The following KPNA3 variants were observed in gnomAD, a reference collection of about 807,000 sequenced individuals.
KPNA3 encodes the protein karyopherin subunit alpha 3.
KPNA3 carries 13 observed loss-of-function variants against 73.8 expected under a neutral mutation model. The ratio of observed to expected loss-of-function variants is 0.18; its 90% CI spans 0.11 to 0.28. The LOEUF (loss-of-function observed/expected upper bound fraction) is 0.28. KPNA3 is among the 10% of genes least tolerant of loss of function. KPNA3 has a pLI of 1.00. For missense variants in KPNA3, 360 were observed against 618.1 expected (o/e 0.58, Z 4.43); for synonymous variants, 186 against 206.9 (o/e 0.90, Z 0.87).
chr13:49,769,878 C>T (rs1413064983), intron 1 of KPNA3, among the ~76,000 whole-genome samples: 1 of 152,164 alleles, frequency 6.6e-6, no homozygotes, highest in Non-Finnish European at 1.5e-5. Context: ...TATTAGAATT[C>T]CAATTTCTAC....
chr13:49,705,915 G>T, intron 14 of KPNA3, 132 bp from the exon 15 acceptor site: 2 of 988,556 alleles, frequency 2.0e-6, no homozygotes, highest in Non-Finnish European at 2.9e-6. Flanking sequence ...GTGCGTTATG[G>T]TCATGCCTGT....
chr13:49,746,585 G>C (rs527789945), intron 2 of KPNA3, among the ~76,000 whole-genome samples: 9 of 152,270 alleles, frequency 5.9e-5, no homozygotes, highest in Admixed American at 1.3e-4. Context: ...CTTTCAGTTG[G>C]GAAAACACAA....
intron 11 of KPNA3, among the ~76,000 whole-genome samples, chr13:49,710,289 G>A (rs764481587): frequency 6.6e-6 from 1 of 151,960 alleles, no homozygotes; most frequent in African/African-American, 2.4e-5. Context: ...TTTAATAAAC[G>A]CCTGGAATGG....
intron 2 of KPNA3, among the ~76,000 whole-genome samples, chr13:49,738,470 G>A (rs1446117023): frequency 6.6e-6 from 1 of 152,126 alleles, no homozygotes; most frequent in East Asian, 1.9e-4. Flanking sequence ...TTACGTTGAG[G>A]CTTCCAATCC....
intron 14 of KPNA3, 58 bp downstream of exon 14, chr13:49,706,021 CAGCAACTACGAAACATAAG>C: frequency 1.5e-6 from 2 of 1,295,348 alleles, no homozygotes; most frequent in Non-Finnish European, 2.2e-6. Flanking sequence ...ACAATACAGT[CAGCAACTACGAAACATAAG>C]AGAGCAGCAT....
intron 1 of KPNA3, among the ~76,000 whole-genome samples, chr13:49,788,767 T>C (rs1176169657): frequency 8.1e-6 from 1 of 123,894 alleles, no homozygotes; most frequent in African/African-American, 3.3e-5. Context: ...CCAGAACAAA[T>C]AAAAGGAAAT....
chr13:49,723,827 G>A (rs1457219652), intron 7 of KPNA3, among the ~76,000 whole-genome samples: 2 of 146,950 alleles, frequency 1.4e-5, no homozygotes, highest in Non-Finnish European at 3.0e-5. Flanking sequence ...CTGAGATCAC[G>A]CCACTGCACT....
intron 1 of KPNA3, among the ~76,000 whole-genome samples, chr13:49,766,658 C>G (rs942064011): frequency 6.6e-6 from 1 of 152,134 alleles, no homozygotes; most frequent in Non-Finnish European, 1.5e-5. Context: ...TCTAAAAAGT[C>G]TTTTCTAGTA....
intron 1 of KPNA3, among the ~76,000 whole-genome samples, chr13:49,767,492 T>C (rs558038597): frequency 1.3e-5 from 2 of 152,282 alleles, no homozygotes; most frequent in South Asian, 4.1e-4. Context: ...AATTATATTT[T>C]CATTATCTTG....
intron 2 of KPNA3, among the ~76,000 whole-genome samples, chr13:49,741,697 G>A (rs534610147): frequency 8.5e-4 from 129 of 152,182 alleles, no homozygotes; most frequent in Admixed American, 2.2e-3. Flanking sequence ...CTTGTGATCC[G>A]CCCGCCTCGG....
intron 1 of KPNA3, among the ~76,000 whole-genome samples, chr13:49,759,585 A>T (rs935295300): frequency 6.6e-6 from 1 of 152,146 alleles, no homozygotes; most frequent in African/African-American, 2.4e-5. Flanking sequence ...ATGATGGGAG[A>T]TGGTGACAGA....
intron 6 of KPNA3, among the ~76,000 whole-genome samples, chr13:49,731,818 T>TA: frequency 6.6e-6 from 1 of 152,358 alleles, no homozygotes; most frequent in African/African-American, 2.4e-5. Flanking sequence ...AGTGGAGTTT[T>TA]ACTCCTTCTC....
chr13:49,703,072 G>A lies in KPNA3; in HGVS notation c.1373-592C>T, dbSNP rs1327042949. On this transcript the variant is annotated intron_variant, in intron 15 of 16. Transcript: ENST00000261667. ...TTTAGCAGAGACGGGGTTTCACTAT[G>A]TTAGCCAGGATGATCTTGATCTCCT... is the stretch of plus-strand genomic sequence containing the variant. 2.0e-4 allele frequency among the ~76,000 whole-genome samples: 31 copies of A among 151,946 alleles called. 1 individual carries two copies. The highest frequency in any genetic ancestry group is 4.4e-5 in the Non-Finnish European group (3 of 67,986).
chr13:49,762,484 A>G (rs1954775436), intron 1 of KPNA3, among the ~76,000 whole-genome samples: 1 of 152,358 alleles, frequency 6.6e-6, no homozygotes, highest in South Asian at 2.1e-4. Context: ...TGTAGAAAGA[A>G]GTAGACATAG....
At chr13:49,733,281 TG>T (rs1302427117) in intron 2 of KPNA3, among the ~76,000 whole-genome samples, 6 of 126,822 alleles carry the variant, frequency 4.7e-5, no homozygotes, top group African/African-American at 8.6e-5. Context: ...CCCACTGTGG[TG>T]TTTTTTTTTT....
At chr13:49,747,590 G>C (rs770434545) in intron 1 of KPNA3, among the ~76,000 whole-genome samples, 7 of 152,290 alleles carry the variant, frequency 4.6e-5, no homozygotes, top group Middle Eastern at 3.4e-3. Flanking sequence ...GGAGGCTGAC[G>C]CTCAAGAATC....
chr13:49,747,381 G>A (rs986985456), intron 1 of KPNA3, among the ~76,000 whole-genome samples: 4 of 151,098 alleles, frequency 2.6e-5, no homozygotes, highest in Non-Finnish European at 1.5e-5. Flanking sequence ...AAAAACTCAG[G>A]TATTTGAGTT....
At chr13:49,779,541 C>T (rs1280788683) in intron 1 of KPNA3, among the ~76,000 whole-genome samples, 2 of 152,186 alleles carry the variant, frequency 1.3e-5, no homozygotes, top group Non-Finnish European at 2.9e-5. Flanking sequence ...CCTACTTACT[C>T]TATCTAGGCT....
chr13:49,718,818 T>G (rs1323137923), intron 10 of KPNA3, among the ~76,000 whole-genome samples: 1 of 152,088 alleles, frequency 6.6e-6, no homozygotes, highest in Non-Finnish European at 1.5e-5. Flanking sequence ...TGAGCTAGAG[T>G]AATGTGATAC....
Sources: gnomAD v4.1 joint callset for allele counts (sites outside exome capture counted in the v4.1 genomes callset) on GRCh38, gnomAD v4.1.1 for gene constraint, MANE v1.5 for transcripts, NCBI Gene and HGNC (gene_info 2026-07-23, HGNC 2026-07-21) for gene names.